The following NWD2 variants were observed in gnomAD, a reference collection of about 807,000 sequenced individuals.
NWD2 encodes the protein NACHT and WD repeat domain-containing protein 2.
In NWD2, 37 loss-of-function variants were observed where a neutral mutation model predicts 132.7. The ratio of observed to expected loss-of-function variants is 0.28; its 90% confidence interval spans 0.21 to 0.37. NWD2 has a LOEUF of 0.37. Ranked by LOEUF, NWD2 falls within the 10% of genes least tolerant of loss-of-function variation. The pLI is 1.00. For missense variants in NWD2, 1,592 were observed against 2,122.4 expected (o/e 0.75, Z 4.91); for synonymous variants, 705 against 803.0 (o/e 0.88, Z 2.06).
At chr4:37,282,249 C>T (rs1264809126) in intron 1 of NWD2, among the ~76,000 whole-genome samples, 2 of 152,106 alleles carry the variant, frequency 1.3e-5, no homozygotes, top group East Asian at 1.9e-4. Context: ...GTGCATTCCA[C>T]TATTTATATC....
At chr4:37,311,795 T>G (rs1331134622) in intron 1 of NWD2, among the ~76,000 whole-genome samples, 1 of 149,410 alleles carries the variant, frequency 6.7e-6, no homozygotes, top group Non-Finnish European at 1.5e-5. Context: ...CATCTTGAAT[T>G]AATTTTTGTA....
intron 1 of NWD2, among the ~76,000 whole-genome samples, chr4:37,322,544 G>A (rs1353260429): frequency 6.6e-6 from 1 of 152,180 alleles, no homozygotes; most frequent in Non-Finnish European, 1.5e-5. Flanking sequence ...AGCTTGGGGA[G>A]AGAGAGAACA....
At position 37,415,731 on chromosome 4, in the gene NWD2, ATACT is replaced by A. The variant is rs1182332897; in HGVS notation, c.358-14838_358-14835del. On this transcript the variant is annotated intron_variant, in intron 3 of 6. Coordinates refer to ENST00000309447, the MANE Select transcript of NWD2 (RefSeq NM_001144990.2). ...AAAAAAAAAAAAAAATAGGCAAAAGATACTTAATATCCAGAACTTAAAAATGCGA... is the reference window on the plus strand; with the variant it reads ...AAAAAAAAAAAAAAATAGGCAAAAGATAATATCCAGAACTTAAAAATGCGA... 3.3e-3 allele frequency among the ~76,000 whole-genome samples: 503 copies of A among 151,938 alleles called. 4 individuals are homozygous for A. The highest frequency in any genetic ancestry group is 0.012 in the African/African-American group (484 of 41,438).
chr4:37,318,472 T>A (rs1719003340), intron 1 of NWD2, among the ~76,000 whole-genome samples: 1 of 151,124 alleles, frequency 6.6e-6, no homozygotes, highest in Non-Finnish European at 1.5e-5. Context: ...AGGGGACACA[T>A]GTGCAGGTTT....
chr4:37,270,712 C>CATAT (rs1332575776), intron 1 of NWD2, among the ~76,000 whole-genome samples: 1 of 151,738 alleles, frequency 6.6e-6, no homozygotes, highest in East Asian at 1.9e-4. Context: ...CAGTCTGGTA[C>CATAT]ATATCCCTTT....
intron 2 of NWD2, among the ~76,000 whole-genome samples, chr4:37,349,176 A>C (rs956268361): frequency 6.6e-6 from 1 of 152,176 alleles, no homozygotes; most frequent in Non-Finnish European, 1.5e-5. Flanking sequence ...AGAATGATTT[A>C]TAATCCTTTG....
intron 1 of NWD2, among the ~76,000 whole-genome samples, chr4:37,310,888 GT>G: frequency 6.7e-6 from 1 of 148,292 alleles, no homozygotes; most frequent in Admixed American, 6.8e-5. Flanking sequence ...GCAGTGTTTG[GT>G]TTTTTGTCCT....
At chr4:37,437,160 C>A (rs1002752588) in intron 5 of NWD2, among the ~76,000 whole-genome samples, 1 of 151,962 alleles carries the variant, frequency 6.6e-6, no homozygotes, top group African/African-American at 2.4e-5. Context: ...GGAGTTATGA[C>A]CAGCATGTAA....
intron 3 of NWD2, among the ~76,000 whole-genome samples, chr4:37,366,820 T>C (rs530681387): frequency 6.6e-6 from 1 of 152,242 alleles, no homozygotes; most frequent in South Asian, 2.1e-4. Flanking sequence ...ATGCACCTAA[T>C]AACATGGCTT....
chr4:37,381,497 G>A (rs1036010751), intron 3 of NWD2, among the ~76,000 whole-genome samples: 2 of 152,176 alleles, frequency 1.3e-5, no homozygotes, highest in African/African-American at 4.8e-5. Context: ...ACATCTGTCA[G>A]GGCAGGACTA....
intron 3 of NWD2, among the ~76,000 whole-genome samples, chr4:37,388,512 T>G (rs1720614649): frequency 6.6e-6 from 1 of 152,084 alleles, no homozygotes; most frequent in African/African-American, 2.4e-5. Flanking sequence ...GTTGCTCTGC[T>G]GGTTTGAATT....
intron 3 of NWD2, among the ~76,000 whole-genome samples, chr4:37,390,794 C>T (rs773658511): frequency 6.6e-6 from 1 of 152,094 alleles, no homozygotes; most frequent in Non-Finnish European, 1.5e-5. Context: ...CATGAAGGAC[C>T]TTGACAGATA....
intron 1 of NWD2, among the ~76,000 whole-genome samples, chr4:37,251,368 CATT>C (rs1331229971): frequency 6.6e-6 from 1 of 152,194 alleles, no homozygotes; most frequent in Non-Finnish European, 1.5e-5. Context: ...ACTGGTATGT[CATT>C]ATGTGGCACA....
chr4:37,363,965 A>G (rs1362489059), intron 3 of NWD2, among the ~76,000 whole-genome samples: 6 of 43,704 alleles, frequency 1.4e-4, no homozygotes, highest in Admixed American at 7.0e-4. Context: ...TCTACTAAAA[A>G]TACAAAAAAA....
At chr4:37,303,933 A>G (rs1718657324) in intron 1 of NWD2, among the ~76,000 whole-genome samples, 1 of 152,036 alleles carries the variant, frequency 6.6e-6, no homozygotes, top group Non-Finnish European at 1.5e-5. Flanking sequence ...TTTATTTTTT[A>G]TCTTGTCTAA....
chr4:37,438,806 G>A lies in NWD2; in HGVS notation c.712G>A (p.Glu238Lys). 1 of 1,547,024 alleles carries A rather than the reference G, an allele frequency of 6.5e-7. No individual in the cohort carries two copies. Among genetic ancestry groups the A allele is most frequent in the Non-Finnish European group, 8.7e-7 (1 of 1,144,472 alleles). Residue 238 changes from glutamate to lysine, a missense_variant, in exon 6 of 7, where the codon GAG (glutamate) becomes AAG (lysine). Glu to Lys is a moderately conservative substitution (Grantham distance 56, BLOSUM62 1). Transcript: ENST00000309447. Reference protein sequence around the residue: ...QAKRYLFSAIEDEFDFALGKQ... With the variant: ...QAKRYLFSAIKDEFDFALGKQ... ...CTTCTTATATTTTCTTTCAGCTATA[G>A]AGGATGAGTTTGACTTTGCTCTGGG... is the stretch of plus-strand genomic sequence containing the variant.
In NWD2 at chr4:37,335,615, G is replaced by A. The variant is rs547398577; in HGVS notation, c.240+9591G>A. Among the ~76,000 whole-genome samples the A allele has an allele frequency of 3.9e-4, 59 of 151,990 alleles. No homozygotes were observed. In the South Asian group the frequency reaches 0.01, roughly 27 times the overall value. ...AGGTGAGCAGTGAGGCAGCATTACC[G>A]CCTGAGCTCCTTCTGTCAGATCAGC... On this transcript the variant is annotated intron_variant, in intron 2 of 6. Transcript: ENST00000309447.
intron 1 of NWD2, among the ~76,000 whole-genome samples, chr4:37,290,537 A>C (rs1285348236): frequency 1.3e-5 from 2 of 152,232 alleles, no homozygotes; most frequent in Non-Finnish European, 2.9e-5. Flanking sequence ...GGCAGTCAGG[A>C]AAGGCTTCCA....
intron 3 of NWD2, among the ~76,000 whole-genome samples, chr4:37,373,894 A>C (rs558734546): frequency 6.6e-6 from 1 of 152,260 alleles, no homozygotes; most frequent in African/African-American, 2.4e-5. Context: ...ATGGTTTGCC[A>C]TCAGAAACAA....
Sources: allele counts gnomAD v4.1 joint callset (sites outside exome capture counted in the v4.1 genomes callset), GRCh38; gene constraint gnomAD v4.1.1; transcripts MANE v1.5; gene names NCBI Gene and HGNC (gene_info 2026-07-23, HGNC 2026-07-21).